RORB: variants seen among roughly 807,000 people sequenced by gnomAD.
The protein encoded by RORB is nuclear receptor ROR-beta.
RORB carries 6 observed loss-of-function variants against 59.1 expected under a neutral mutation model. The observed-to-expected ratio is 0.10, with a 90% CI of 0.06 to 0.20. The LOEUF (loss-of-function observed/expected upper bound fraction) is 0.20. RORB is among the 10% of genes least tolerant of loss of function. The pLI is 1.00. For synonymous variants in RORB, 215 were observed against 204.5 expected, an observed-to-expected ratio of 1.05 and a Z score of -0.44; for missense variants, 320 against 560.5, an observed-to-expected ratio of 0.57 and a Z score of 4.33.
At chr9:74,643,849 G>A (rs1823852117) in intron 4 of RORB, among the ~76,000 whole-genome samples, 1 of 152,160 alleles carries the variant, frequency 6.6e-6, no homozygotes, top group African/African-American at 2.4e-5. Context: ...TTTAAATCCT[G>A]GCTCTTTGGC....
chr9:74,510,933 G>A (rs1414570157), intron 1 of RORB, among the ~76,000 whole-genome samples: 1 of 152,162 alleles, frequency 6.6e-6, no homozygotes, highest in South Asian at 2.1e-4. Context: ...AATTTATAGT[G>A]ATACAGTCTT....
intron 6 of RORB, among the ~76,000 whole-genome samples, chr9:74,663,624 G>A (rs575558019): frequency 6.6e-6 from 1 of 152,266 alleles, no homozygotes; most frequent in Admixed American, 6.5e-5. Context: ...TACAATTTGG[G>A]CAGGGCTCAG....
intron 1 of RORB, among the ~76,000 whole-genome samples, chr9:74,554,522 G>A (rs1826663217): frequency 6.6e-6 from 1 of 151,798 alleles, no homozygotes; most frequent in South Asian, 2.1e-4. Flanking sequence ...AACCTTAGAA[G>A]GGAGTGTAGA....
intron 1 of RORB, among the ~76,000 whole-genome samples, chr9:74,503,661 A>G (rs9697162): frequency 0.3 from 45,573 of 151,932 alleles, 7,170 homozygotes; most frequent in Admixed American, 0.39. Flanking sequence ...CCAAGTAAAT[A>G]AAATATTCCC....
intron 1 of RORB, among the ~76,000 whole-genome samples, chr9:74,568,032 T>A (rs1822494176): frequency 6.6e-6 from 1 of 152,228 alleles, no homozygotes; most frequent in South Asian, 2.1e-4. Context: ...GGACAAATTA[T>A]CCTGGTTAAT....
At chr9:74,632,919 CA>C (rs1823642545) in intron 2 of RORB, among the ~76,000 whole-genome samples, 2 of 152,188 alleles carry the variant, frequency 1.3e-5, no homozygotes, top group African/African-American at 4.8e-5. Context: ...ACTGGACAGT[CA>C]GAAGTCTCAT....
intron 1 of RORB, among the ~76,000 whole-genome samples, chr9:74,617,578 A>G (rs17691363): frequency 0.03 from 4,593 of 152,246 alleles, 106 homozygotes; most frequent in Non-Finnish European, 0.048. Flanking sequence ...CTCTTTAGAG[A>G]AAGTGTGCAG....
At chr9:74,524,560 A>G (rs1362364568) in intron 1 of RORB, among the ~76,000 whole-genome samples, 2 of 152,000 alleles carry the variant, frequency 1.3e-5, no homozygotes, top group East Asian at 1.9e-4. Context: ...ACTAATTTAT[A>G]GAAGAATGTA....
intron 1 of RORB, among the ~76,000 whole-genome samples, chr9:74,569,796 AT>A (rs1346140798): frequency 6.6e-6 from 1 of 152,070 alleles, no homozygotes; most frequent in East Asian, 1.9e-4. Context: ...ACAAATATGC[AT>A]TTCTCTTTCT....
In RORB at chr9:74,691,165, G is replaced by A. The variant is rs1007169168; in HGVS notation, c.*5547G>A. The A allele has an allele frequency of 5.3e-5, 8 of 152,188 alleles. No individual in the cohort carries two copies. Among genetic ancestry groups the A allele is most frequent in the African/African-American group, 1.2e-4 (5 of 41,430 alleles). 9.4% of individuals were successfully genotyped at this position (152,188 alleles called of 1,614,324 possible). A position where few individuals can be genotyped will look rare whatever the true frequency, so the allele number is the denominator to read the frequency against. On this transcript the variant is annotated 3_prime_UTR_variant, in exon 10 of 10. Coordinates refer to ENST00000376896, the MANE Select transcript of RORB (RefSeq NM_006914.4). ...GGCCATAGTAATCTTTGCCTCCTGC[G>A]TGACTGTAAGCATGGCCTCCAGTGG...
chr9:74,573,911 C>CA (rs953849543), intron 1 of RORB, among the ~76,000 whole-genome samples: 2 of 152,012 alleles, frequency 1.3e-5, no homozygotes, highest in African/African-American at 4.8e-5. Flanking sequence ...GACAGGGTAT[C>CA]AAAGCTGCAA....
At chr9:74,516,548 G>GA (rs1362202412) in intron 1 of RORB, among the ~76,000 whole-genome samples, 2 of 151,646 alleles carry the variant, frequency 1.3e-5, no homozygotes, top group African/African-American at 4.8e-5. Flanking sequence ...TTGAACTTTT[G>GA]AAAAAAAGGA....
At chr9:74,557,195 T>C (rs1055749386) in intron 1 of RORB, among the ~76,000 whole-genome samples, 2 of 152,164 alleles carry the variant, frequency 1.3e-5, no homozygotes, top group South Asian at 4.1e-4. Flanking sequence ...GGGATTGCTC[T>C]GGGAAACAGG....
At chr9:74,603,500 G>T (rs1243951396) in intron 1 of RORB, among the ~76,000 whole-genome samples, 1 of 152,164 alleles carries the variant, frequency 6.6e-6, no homozygotes, top group African/African-American at 2.4e-5. Flanking sequence ...ACAAACTGGT[G>T]TTTCCCAAAG....
intron 1 of RORB, among the ~76,000 whole-genome samples, chr9:74,554,108 A>G (rs938729119): frequency 2.6e-5 from 4 of 152,182 alleles, no homozygotes; most frequent in Non-Finnish European, 5.9e-5. Flanking sequence ...TTTCGTTGGG[A>G]GATCTCAGTC....
intron 1 of RORB, among the ~76,000 whole-genome samples, chr9:74,514,685 T>C (rs542173122): frequency 6.7e-6 from 1 of 148,450 alleles, no homozygotes; most frequent in Non-Finnish European, 1.5e-5. Flanking sequence ...ATAATATATA[T>C]AATTATATAT....
intron 1 of RORB, among the ~76,000 whole-genome samples, chr9:74,535,255 T>TG (rs1472871894): frequency 1.3e-5 from 2 of 151,960 alleles, no homozygotes; most frequent in Non-Finnish European, 2.9e-5. Flanking sequence ...AAAAAGGAGA[T>TG]GAAAAAACAA....
At chr9:74,524,300 A>G (rs1310077701) in intron 1 of RORB, among the ~76,000 whole-genome samples, 2 of 151,838 alleles carry the variant, frequency 1.3e-5, no homozygotes, top group Non-Finnish European at 2.9e-5. Flanking sequence ...AAGCAAGAGC[A>G]ATATCCAAAA....
At chr9:74,562,874 G>A (rs971761874) in intron 1 of RORB, among the ~76,000 whole-genome samples, 5 of 152,246 alleles carry the variant, frequency 3.3e-5, no homozygotes, top group Admixed American at 2.0e-4. Context: ...CTTTATCACT[G>A]TTGCTGTTTC....
Sources: allele counts gnomAD v4.1 joint callset (sites outside exome capture counted in the v4.1 genomes callset), GRCh38; gene constraint gnomAD v4.1.1; transcripts MANE v1.5; gene names NCBI Gene and HGNC (gene_info 2026-07-23, HGNC 2026-07-21).